The following SLC41A1 variants were observed in gnomAD, a reference collection of about 807,000 sequenced individuals.
The protein encoded by SLC41A1 is solute carrier family 41 (magnesium transporter), member 1.
In SLC41A1, 20 loss-of-function variants were observed where a neutral mutation model predicts 47.3. The observed-to-expected ratio is 0.42, with a 90% confidence interval of 0.30 to 0.61. SLC41A1 has a LOEUF of 0.61. Ranked by LOEUF, SLC41A1 falls within the 20% of genes least tolerant of loss-of-function variation. SLC41A1 has a pLI of 0.17. For missense variants in SLC41A1, 504 were observed against 674.1 expected, an observed-to-expected ratio of 0.75 and a Z score of 2.79; for synonymous variants, 282 against 272.7, an observed-to-expected ratio of 1.03 and a Z score of -0.34.
Position 205,797,995 on chromosome 1 carries a change from C to G in SLC41A1, c.901G>C (p.Val301Leu). 1 of 1,614,186 alleles carries G rather than the reference C, an allele frequency of 6.2e-7. No individual in the cohort carries two copies. Among genetic ancestry groups the G allele is most frequent in the Non-Finnish European group, 8.5e-7 (1 of 1,180,044 alleles). Residue 301 changes from valine (V) to leucine (L), a missense_variant, in exon 7 of 11, where the codon GTC becomes CTC. Physicochemically the swap from Val to Leu is conservative, Grantham distance 32. Around this residue, in one of 2 missense-constraint regions of SLC41A1, gnomAD observed 421 missense variants for 601.6 expected, o/e 0.70. Transcript: ENST00000367137. ...CTTCGTCGGGCCAGCACCACCCAGA[C>G]AGGCAGCAGGGCCACAAAGAAAGCA... ...VCAFFVALLP[V>L]WVVLARRSPA... is the part of the protein sequence containing the mutation.
At position 205,799,863 on chromosome 1, in the gene SLC41A1, A is replaced by G. The variant is rs1271495699; in HGVS notation, c.481-33T>C. The G allele has an allele frequency of 3.8e-6, 6 of 1,596,042 alleles. No homozygotes were observed. The African/African-American group carries it at 8.0e-5, about 21-fold the overall frequency. On this transcript the variant is annotated intron_variant, in intron 3 of 10. Transcript: ENST00000367137. ...AGGGAGGGCAAGGGGCTGGAGCTTC[A>G]GGCTGGAAAAGGCCTGAAGCTCCAT... is the stretch of plus-strand genomic sequence containing the variant.
rs779189931 is a variant in SLC41A1, at chr1:205,790,617, C to T, written c.*916G>A. 2 of 152,246 alleles carry T rather than the reference C, an allele frequency of 1.3e-5. No individual in the cohort carries two copies. The highest frequency in any genetic ancestry group is 2.9e-5 in the Non-Finnish European group (2 of 68,070). 9.4% of individuals were successfully genotyped at this position (152,246 alleles called of 1,614,324 possible). A position where few individuals can be genotyped will look rare whatever the true frequency, so the allele number is the denominator to read the frequency against. ...TTGTCCTCAACCTCCAAACCATTCTCCACATACCCATGACCTGACCCTAAT... is the reference window on the plus strand; with the variant it reads ...TTGTCCTCAACCTCCAAACCATTCTTCACATACCCATGACCTGACCCTAAT... On this transcript the variant is annotated 3_prime_UTR_variant, in exon 11 of 11. Transcript: ENST00000367137.
intron 8 of SLC41A1, chr1:205,795,936 T>C (rs537352409): frequency 1.3e-4 from 34 of 254,102 alleles, no homozygotes; most frequent in Non-Finnish European, 2.1e-4. Flanking sequence ...ATGCTGATTC[T>C]GGTAACCAGT....
intron 8 of SLC41A1, 181 bp from the exon 9 acceptor site, chr1:205,795,659 A>T (rs1192411012): frequency 5.4e-6 from 4 of 737,660 alleles, no homozygotes; most frequent in Non-Finnish European, 9.1e-6. Context: ...CTAAGAAGGA[A>T]GACAAAGACC....
At position 205,789,746 on chromosome 1, in the gene SLC41A1, T is replaced by C. The variant is rs1250119501; in HGVS notation, c.*1787A>G. 1.3e-5 allele frequency: 2 copies of C among 152,088 alleles called. No homozygotes were observed. Among genetic ancestry groups the C allele is most frequent in the African/African-American group, 4.8e-5 (2 of 41,396 alleles). The allele number at this position is 152,088 out of a possible 1,614,324, so 9.4% of individuals were successfully genotyped here. On this transcript the variant is annotated 3_prime_UTR_variant, in exon 11 of 11. Transcript: ENST00000367137. ...GGTAGAAATGGAGGGAGAGAAAATATGGTCTCTGGAGGTCTAGGGCAGGTT... is the reference window on the plus strand; with the variant it reads ...GGTAGAAATGGAGGGAGAGAAAATACGGTCTCTGGAGGTCTAGGGCAGGTT...
chr1:205,801,438 C>T, intron 2 of SLC41A1: 1 of 322,216 alleles, frequency 3.1e-6, no homozygotes, highest in South Asian at 2.8e-5. Flanking sequence ...ATTGCAATCC[C>T]TGGCCCCTTT....
At chr1:205,808,303 G>C (rs542021451) in intron 2 of SLC41A1, among the ~76,000 whole-genome samples, 1 of 152,296 alleles carries the variant, frequency 6.6e-6, no homozygotes, top group African/African-American at 2.4e-5. Context: ...CATGGCGAAG[G>C]CCACAGGGGT....
chr1:205,793,109 GA>G (rs1422306652), intron 10 of SLC41A1, among the ~76,000 whole-genome samples: 6 of 152,272 alleles, frequency 3.9e-5, no homozygotes, highest in Non-Finnish European at 2.9e-5. Context: ...AGCAGCTGCA[GA>G]AGGGTCCCAA....
intron 2 of SLC41A1, 97 bp from the exon 3 acceptor site, chr1:205,801,157 T>C (rs1655868779): frequency 1.0e-6 from 1 of 973,034 alleles, no homozygotes; most frequent in South Asian, 1.3e-5. Context: ...GAGGAGGAAA[T>C]AGAATCAGCA....
rs1655871582 is a variant in SLC41A1 at position 205,801,240 on chromosome 1, C to T, written c.373-180G>A. On this transcript the variant is annotated intron_variant, in intron 2 of 10. Transcript: ENST00000367137. ...ACCAAGCCCATGATTCTTCAAACAA[C>T]ACAACCCCCCTTCCTGCCACCCAGA... The T allele has an allele frequency of 2.9e-5, 17 of 594,092 alleles. No homozygotes were observed. The South Asian group carries it at 3.2e-4, about 11-fold the overall frequency. The allele number at this position is 594,092 out of a possible 1,614,324, so 36.8% of individuals were successfully genotyped here.
intron 5 of SLC41A1, 47 bp from the exon 6 acceptor site, chr1:205,798,862 A>C (rs1655807107): frequency 6.2e-7 from 1 of 1,614,188 alleles, no homozygotes; most frequent in Non-Finnish European, 8.5e-7. Flanking sequence ...GAAGAGATAA[A>C]GGAGTCTCAA....
intron 7 of SLC41A1, among the ~76,000 whole-genome samples, chr1:205,797,270 G>A (rs1655771143): frequency 6.6e-6 from 1 of 152,226 alleles, no homozygotes; most frequent in Non-Finnish European, 1.5e-5. Flanking sequence ...TTGGCCGGAG[G>A]AGCAGCCTGC....
In SLC41A1 at chr1:205,793,530, C is replaced by T. The variant is rs143352301; in HGVS notation, c.1356+1340G>A. 1.5e-3 allele frequency among the ~76,000 whole-genome samples: 222 copies of T among 152,346 alleles called. 1 individual carries two copies. Among genetic ancestry groups the T allele is most frequent in the African/African-American group, 5.1e-3 (213 of 41,582 alleles). ...AACAGCATATGGCTGATTCTCAGCCCCGCCCCTGCCAAGATGTCCGAACAC... is the reference window on the plus strand; with the variant it reads ...AACAGCATATGGCTGATTCTCAGCCTCGCCCCTGCCAAGATGTCCGAACAC... On this transcript the variant is annotated intron_variant, in intron 10 of 10. Transcript: ENST00000367137.
At chr1:205,806,591 G>A (rs1403089605) in intron 2 of SLC41A1, among the ~76,000 whole-genome samples, 1 of 152,242 alleles carries the variant, frequency 6.6e-6, no homozygotes, top group Non-Finnish European at 1.5e-5. Context: ...GGCTCCTGCA[G>A]TGAGGAGGCT....
At chr1:205,806,241 TCAAGTGAAGCAGATAA>T (rs2102509368) in intron 2 of SLC41A1, among the ~76,000 whole-genome samples, 2 of 152,192 alleles carry the variant, frequency 1.3e-5, no homozygotes, top group Admixed American at 1.3e-4. Context: ...GAAGGGGTGG[TCAAGTGAAGCAGATAA>T]GAGTGTCCCG....
chr1:205,812,740 A>C (rs1298573868), intron 1 of SLC41A1, 68 bp downstream of exon 1: 1 of 986,040 alleles, frequency 1.0e-6, no homozygotes, highest in Non-Finnish European at 1.2e-6. Flanking sequence ...GATTCAGCAA[A>C]TGCGCTGCGC....
intron 10 of SLC41A1, among the ~76,000 whole-genome samples, chr1:205,792,138 G>C (rs1405793649): frequency 1.3e-5 from 2 of 152,200 alleles, no homozygotes; most frequent in Non-Finnish European, 2.9e-5. Flanking sequence ...GGGGCTGGCT[G>C]CTGGAGTCAG....
At chr1:205,811,134 C>T (rs1035903229) in intron 1 of SLC41A1, 47 bp from the exon 2 acceptor site, 1 of 153,470 alleles carries the variant, frequency 6.5e-6, no homozygotes, top group Non-Finnish European at 1.4e-5. Context: ...TACACTATAG[C>T]AAAGGACAGC....
intron 2 of SLC41A1, among the ~76,000 whole-genome samples, chr1:205,802,631 T>A (rs1281136935): frequency 2.6e-5 from 4 of 151,530 alleles, no homozygotes; most frequent in Non-Finnish European, 4.4e-5. Flanking sequence ...GGCAGGAGAA[T>A]CGCTTGAACC....
Sources: gnomAD v4.1 joint callset for allele counts (sites outside exome capture counted in the v4.1 genomes callset) on GRCh38, gnomAD v4.1.1 for gene constraint, gnomAD v4.1.1 regional missense constraint, MANE v1.5 for transcripts, NCBI Gene and HGNC (gene_info 2026-07-23, HGNC 2026-07-21) for gene names.